Variants in PDE4B observed in about 807,000 individuals in gnomAD.
PDE4B encodes phosphodiesterase 4B.
In PDE4B, 20 loss-of-function variants were observed where a neutral mutation model predicts 82.2. The ratio of observed to expected loss-of-function variants is 0.24; its 90% CI spans 0.17 to 0.35. The LOEUF (loss-of-function observed/expected upper bound fraction) is 0.35, where lower values mean the gene tolerates loss of function less well. PDE4B is among the 10% of genes least tolerant of loss of function. PDE4B has a pLI of 1.00. For missense variants in PDE4B, 655 were observed against 907.2 expected, an observed-to-expected ratio of 0.72 and a Z score of 3.57; for synonymous variants, 320 against 318.9, an observed-to-expected ratio of 1.00 and a Z score of -0.04.
At chr1:66,069,976 A>G (rs942455665) in intron 3 of PDE4B, among the ~76,000 whole-genome samples, 3 of 151,962 alleles carry the variant, frequency 2.0e-5, no homozygotes, top group Non-Finnish European at 4.4e-5. Context: ...TGTATGTGCA[A>G]GTGTGTGCAT....
intron 1 of PDE4B, among the ~76,000 whole-genome samples, chr1:65,829,659 C>G (rs1293686492): frequency 6.6e-6 from 1 of 152,054 alleles, no homozygotes; most frequent in Non-Finnish European, 1.5e-5. Flanking sequence ...TATTGAAAAT[C>G]CTTCAATATT....
rs1347120337 is a variant in PDE4B, at chr1:66,065,989, G to A, written c.281+147154G>A. ...CTTTAGATATATACATGTGTTAGTA[G>A]TAGGTTTTACTTTAGCAAAACTTCA... On this transcript the variant is annotated intron_variant, in intron 3 of 16. Coordinates refer to ENST00000341517, the MANE Select transcript of PDE4B (RefSeq NM_002600.4). Among the ~76,000 whole-genome samples the A allele has an allele frequency of 2.0e-5, 3 of 151,758 alleles. No homozygotes were observed. In the East Asian group the frequency reaches 5.8e-4, roughly 29 times the overall value.
chr1:65,988,795 G>T (rs1364826207), intron 3 of PDE4B, among the ~76,000 whole-genome samples: 3 of 151,904 alleles, frequency 2.0e-5, no homozygotes, highest in African/African-American at 7.3e-5. Flanking sequence ...CTGCAGTTTT[G>T]TCCATTTAAA....
At chr1:66,090,738 TATACATATATATGTATGTATAC>T (rs1261578993) in intron 3 of PDE4B, among the ~76,000 whole-genome samples, 3 of 32,680 alleles carry the variant, frequency 9.2e-5, no homozygotes, top group Admixed American at 8.1e-4. Context: ...TGTATGTATA[TATACATATATATGTATGTATAC>T]ATATGTGTAT....
At position 65,990,511 on chromosome 1, in the gene PDE4B, A is replaced by G. The variant is rs529977007; in HGVS notation, c.281+71676A>G. The stretch of plus-strand genomic sequence containing the variant: ...TTTAAATCATATTATTGCTGGAGGA[A>G]AGTCCCAGCTTTGTTTTCATAATTC... On this transcript the variant is annotated intron_variant, in intron 3 of 16. Coordinates refer to ENST00000341517, the MANE Select transcript of PDE4B (RefSeq NM_002600.4). Among the ~76,000 whole-genome samples, 23 of 152,290 alleles carry G rather than the reference A, an allele frequency of 1.5e-4. No homozygotes were observed. In the South Asian group the frequency reaches 1.9e-3, roughly 12 times the overall value.
intron 3 of PDE4B, among the ~76,000 whole-genome samples, chr1:65,934,628 C>T (rs1648023308): frequency 6.6e-6 from 1 of 152,118 alleles, no homozygotes; most frequent in East Asian, 1.9e-4. Context: ...AAACTATGTG[C>T]TGTCTATAAG....
At chr1:66,080,854 G>A (rs1381098678) in intron 3 of PDE4B, among the ~76,000 whole-genome samples, 3 of 151,380 alleles carry the variant, frequency 2.0e-5, no homozygotes, top group African/African-American at 7.3e-5. Flanking sequence ...CATCATCCTG[G>A]TTTTGAGCAC....
chr1:65,862,241 G>C (rs1309401706), intron 1 of PDE4B, among the ~76,000 whole-genome samples: 1 of 152,152 alleles, frequency 6.6e-6, no homozygotes, highest in Non-Finnish European at 1.5e-5. Context: ...CTAGTTTATA[G>C]AGAGTTTTTA....
intron 3 of PDE4B, among the ~76,000 whole-genome samples, chr1:66,175,232 T>A (rs191720228): frequency 4.3e-4 from 66 of 152,308 alleles, no homozygotes; most frequent in African/African-American, 1.5e-3. Context: ...ATTGAACTAG[T>A]TGAAAATCCA....
chr1:65,929,178 A>G (rs905846924), intron 3 of PDE4B, among the ~76,000 whole-genome samples: 1 of 152,114 alleles, frequency 6.6e-6, no homozygotes, highest in Non-Finnish European at 1.5e-5. Context: ...GAGAATCAGC[A>G]TTACCTTGCC....
At chr1:66,352,716 TG>T (rs1257459024) in intron 8 of PDE4B, among the ~76,000 whole-genome samples, 1 of 98,516 alleles carries the variant, frequency 1.0e-5, no homozygotes, top group African/African-American at 3.2e-5. Context: ...TTTGTTCCTT[TG>T]TTTTTTTTTC....
intron 3 of PDE4B, among the ~76,000 whole-genome samples, chr1:66,014,950 G>C (rs1652687198): frequency 6.6e-6 from 1 of 152,128 alleles, no homozygotes; most frequent in South Asian, 2.1e-4. Flanking sequence ...GAAAATTGGG[G>C]AATCTCCTTT....
At chr1:66,292,421 AC>A (rs1487764529) in intron 7 of PDE4B, among the ~76,000 whole-genome samples, 1 of 152,204 alleles carries the variant, frequency 6.6e-6, no homozygotes, top group African/African-American at 2.4e-5. Flanking sequence ...TTAGAATTAT[AC>A]TTTTGCCTTT....
At chr1:66,261,363 A>G (rs1654667819) in intron 6 of PDE4B, among the ~76,000 whole-genome samples, 1 of 152,168 alleles carries the variant, frequency 6.6e-6, no homozygotes, top group African/African-American at 2.4e-5. Flanking sequence ...GAACACACAC[A>G]CAGACACACA....
intron 7 of PDE4B, among the ~76,000 whole-genome samples, chr1:66,295,685 T>C (rs1657462187): frequency 6.6e-6 from 1 of 152,214 alleles, no homozygotes; most frequent in Non-Finnish European, 1.5e-5. Context: ...CATTTCAAAG[T>C]GCTGGGATTA....
chr1:65,853,638 T>A (rs1161027629), intron 1 of PDE4B, among the ~76,000 whole-genome samples: 2 of 152,010 alleles, frequency 1.3e-5, no homozygotes, highest in Non-Finnish European at 2.9e-5. Context: ...CAAGTGATTC[T>A]CCTGCCTCAG....
rs72641146 is a variant in PDE4B at position 66,239,235 on chromosome 1, C to T, written c.282-8225C>T. Reference sequence around the variant, plus strand: ...TAACTTTAAAAAATGGAGAATGTAGCCTGGAAAATATTGAGCGAGTAGAAT... The same window carrying T: ...TAACTTTAAAAAATGGAGAATGTAGTCTGGAAAATATTGAGCGAGTAGAAT... On this transcript the variant is annotated intron_variant, in intron 3 of 16. Coordinates refer to ENST00000341517, the MANE Select transcript of PDE4B (RefSeq NM_002600.4). Among the ~76,000 whole-genome samples the T allele has an allele frequency of 0.011, 1,744 of 152,166 alleles. 62 individuals are homozygous for T. In the East Asian group the frequency reaches 0.12, roughly 10 times the overall value.
chr1:65,888,145 C>G (rs1446924770), intron 1 of PDE4B, among the ~76,000 whole-genome samples: 1 of 152,062 alleles, frequency 6.6e-6, no homozygotes, highest in Non-Finnish European at 1.5e-5. Flanking sequence ...AGTTAGGGGT[C>G]TAGTTTCATT....
chr1:66,073,383 T>A (rs1656260319), intron 3 of PDE4B, among the ~76,000 whole-genome samples: 3 of 152,130 alleles, frequency 2.0e-5, no homozygotes, highest in Non-Finnish European at 4.4e-5. Context: ...TGAGACAGTG[T>A]TGGCAAAAGT....
Sources: allele counts gnomAD v4.1 joint callset (sites outside exome capture counted in the v4.1 genomes callset), GRCh38; gene constraint gnomAD v4.1.1; transcripts MANE v1.5; gene names NCBI Gene and HGNC (gene_info 2026-07-23, HGNC 2026-07-21).